Variants in BNC2 observed in about 807,000 individuals in gnomAD.
BNC2 encodes the protein basonuclin zinc finger protein 2.
Under a neutral mutation model 76.3 loss-of-function variants are expected in BNC2, and 20 were observed. The ratio of observed to expected loss-of-function variants is 0.26; its 90% CI spans 0.18 to 0.38. The LOEUF (loss-of-function observed/expected upper bound fraction) is 0.38, where lower values mean the gene tolerates loss of function less well. Ranked by LOEUF, BNC2 falls within the 10% of genes least tolerant of loss-of-function variation. The pLI is 1.00. For synonymous variants in BNC2, 582 were observed against 514.8 expected (o/e 1.13, Z -1.77); for missense variants, 1,382 against 1,399.8 (o/e 0.99, Z 0.20).
At position 16,712,299 on chromosome 9, in the gene BNC2, A is replaced by G. The variant is rs1823873584; in HGVS notation, c.330+15498T>C. ...GTAAATTGTGAGTAGATTTAAAGAT[A>G]TAAAAAGATGGTGACATCCACTTTT... On this transcript the variant is annotated intron_variant, in intron 3 of 6. Coordinates refer to ENST00000380672, the MANE Select transcript of BNC2 (RefSeq NM_017637.6). Among the ~76,000 whole-genome samples, 3 of 152,356 alleles carry G rather than the reference A, an allele frequency of 2.0e-5. No homozygotes were observed. In the South Asian group the frequency reaches 6.2e-4, roughly 32 times the overall value.
At chr9:16,528,752 AG>A (rs1817887312) in intron 5 of BNC2, among the ~76,000 whole-genome samples, 1 of 152,224 alleles carries the variant, frequency 6.6e-6, no homozygotes, top group Admixed American at 6.5e-5. Context: ...TCTTTAAATA[AG>A]TGACTAAATA....
rs574699568 is a variant in BNC2, at chr9:16,838,407, C to T, written c.3+32239G>A. On this transcript the variant is annotated intron_variant, in intron 1 of 6. Coordinates refer to ENST00000380672, the MANE Select transcript of BNC2 (RefSeq NM_017637.6). ...CCATCTCTACTAAAAAGAAAAAATA[C>T]AAAATCAGCTGGGTGTGGTGGCGCA... Among the ~76,000 whole-genome samples the T allele has an allele frequency of 1.1e-4, 17 of 152,112 alleles. No individual in the cohort carries two copies. The South Asian group carries it at 3.5e-3, about 32-fold the overall frequency.
chr9:16,701,938 CAAAAAA>C (rs5896700), intron 3 of BNC2, among the ~76,000 whole-genome samples: 1 of 91,544 alleles, frequency 1.1e-5, no homozygotes, highest in Non-Finnish European at 1.9e-5. Context: ...CGAGACTCTC[CAAAAAA>C]AAAAAAAAAA....
chr9:16,651,040 G>C (rs1015177708), intron 3 of BNC2, among the ~76,000 whole-genome samples: 1 of 152,052 alleles, frequency 6.6e-6, no homozygotes, highest in Admixed American at 6.6e-5. Context: ...TTTACCCTAA[G>C]ATGCCACCCA....
intron 1 of BNC2, among the ~76,000 whole-genome samples, chr9:16,813,266 A>ATT (rs1050994391): frequency 3.5e-5 from 5 of 141,856 alleles, no homozygotes; most frequent in African/African-American, 1.3e-4. Context: ...CAGAAAAACC[A>ATT]TTTTTTTTTT....
intron 5 of BNC2, among the ~76,000 whole-genome samples, chr9:16,482,908 C>T (rs999813856): frequency 3.3e-5 from 5 of 152,176 alleles, no homozygotes; most frequent in Non-Finnish European, 4.4e-5. Flanking sequence ...GCCCATCAGT[C>T]TACTCATGTG....
intron 3 of BNC2, among the ~76,000 whole-genome samples, chr9:16,642,184 C>T (rs1249020550): frequency 6.6e-6 from 1 of 152,098 alleles, no homozygotes; most frequent in Non-Finnish European, 1.5e-5. Flanking sequence ...TAATATAATA[C>T]AAGTTTTGTT....
chr9:16,685,912 G>C (rs1338187643), intron 3 of BNC2, among the ~76,000 whole-genome samples: 2 of 152,132 alleles, frequency 1.3e-5, no homozygotes, highest in African/African-American at 4.8e-5. Context: ...CTAATAAATA[G>C]CCACGGACAG....
At chr9:16,859,048 T>C (rs1270324124) in intron 1 of BNC2, among the ~76,000 whole-genome samples, 3 of 151,940 alleles carry the variant, frequency 2.0e-5, no homozygotes, top group Non-Finnish European at 4.4e-5. Flanking sequence ...AGGACTTGAA[T>C]AGATATGTCC....
chr9:16,435,685 C>G lies in BNC2; in HGVS notation c.2509G>C (p.Val837Leu). ...CSSPDPKICY[V>L]CKKSFKSSYS... is the part of the protein sequence containing the mutation. ...GAGCTTTTGAAACTCTTCTTGCACA[C>G]ATAACAGATTTTGGGGTCTGGGCTA... Residue 837 changes from valine (V) to leucine (L), a missense_variant, in exon 6 of 7, where the codon GTG (valine) becomes CTG (leucine). This residue lies in a region of BNC2 where 798 missense variants were observed against 775.5 expected (regional missense o/e 1.03). Coordinates refer to ENST00000380672, the MANE Select transcript of BNC2 (RefSeq NM_017637.6). 2 of 1,614,120 alleles carry G rather than the reference C, an allele frequency of 1.2e-6. No individual in the cohort carries two copies. Among genetic ancestry groups the G allele is most frequent in the Non-Finnish European group, 1.7e-6 (2 of 1,180,026 alleles).
intron 3 of BNC2, chr9:16,699,202 A>C (rs1455833950): frequency 2.1e-6 from 1 of 471,078 alleles, no homozygotes; most frequent in Non-Finnish European, 4.4e-6. Flanking sequence ...CACATCTACA[A>C]ACTGTCATCC....
At chr9:16,809,509 C>A (rs1185784489) in intron 1 of BNC2, among the ~76,000 whole-genome samples, 1 of 152,160 alleles carries the variant, frequency 6.6e-6, no homozygotes, top group African/African-American at 2.4e-5. Context: ...TTTATTTCCA[C>A]ACCAGCTTTC....
chr9:16,445,899 G>T (rs180957435), intron 5 of BNC2, among the ~76,000 whole-genome samples: 89 of 152,246 alleles, frequency 5.8e-4, no homozygotes, highest in South Asian at 2.5e-3. Context: ...GACTTAATTT[G>T]AAATATCTTT....
intron 5 of BNC2, among the ~76,000 whole-genome samples, chr9:16,468,040 C>CTTTTTTTTTTTT (rs748053541): frequency 7.7e-6 from 1 of 129,554 alleles, no homozygotes; most frequent in Non-Finnish European, 1.6e-5. Flanking sequence ...CTTTCTTTCT[C>CTTTTTTTTTTTT]TTTTTTTTTT....
intron 3 of BNC2, among the ~76,000 whole-genome samples, chr9:16,643,791 C>T (rs1821553390): frequency 6.6e-6 from 1 of 152,044 alleles, no homozygotes; most frequent in South Asian, 2.1e-4. Context: ...TCTTTTTCTG[C>T]CCCAAACTGA....
In BNC2 at chr9:16,418,837, C is replaced by T. The variant is rs931541699; in HGVS notation, c.*152G>A. ...TTATCTTGTTTATCTCAAGGAAATA[C>T]GTGTGTGTATATGTAGCCACAGAGC... On this transcript the variant is annotated 3_prime_UTR_variant, in exon 7 of 7. Coordinates refer to ENST00000380672, the MANE Select transcript of BNC2 (RefSeq NM_017637.6). 2.3e-5 allele frequency: 19 copies of T among 823,726 alleles called. No homozygotes were observed. The highest frequency in any genetic ancestry group is 2.0e-4 in the Admixed American group (9 of 44,618). 51.0% of individuals were successfully genotyped at this position (823,726 alleles called of 1,614,324 possible).
Position 16,418,656 on chromosome 9 carries a change from G to C in BNC2, c.*333C>G, listed in dbSNP as rs1044790580. 6 of 232,472 alleles carry C rather than the reference G, an allele frequency of 2.6e-5. No homozygotes were observed. The highest frequency in any genetic ancestry group is 4.7e-5 in the Non-Finnish European group (6 of 127,076). 14.4% of individuals were successfully genotyped at this position (232,472 alleles called of 1,614,324 possible). A position where few individuals can be genotyped will look rare whatever the true frequency, so the allele number is the denominator to read the frequency against. On this transcript the variant is annotated 3_prime_UTR_variant, in exon 7 of 7. Coordinates refer to ENST00000380672, the MANE Select transcript of BNC2 (RefSeq NM_017637.6). ...AATTATTCTGTCAAAACTGGGGCTA[G>C]TTGCACACTGTGTGTGTGTGTGTGT... is the stretch of plus-strand genomic sequence containing the variant.
intron 5 of BNC2, among the ~76,000 whole-genome samples, chr9:16,463,353 G>C (rs1299605943): frequency 1.5e-5 from 2 of 129,156 alleles, no homozygotes; most frequent in African/African-American, 3.5e-5. Flanking sequence ...CTGGAGTGCA[G>C]TGGCGGGATC....
chr9:16,801,859 T>C (rs1018206819), intron 1 of BNC2, among the ~76,000 whole-genome samples: 47 of 152,156 alleles, frequency 3.1e-4, no homozygotes, highest in African/African-American at 1.1e-3. Context: ...TTCATTTCTA[T>C]GTAAACTTCT....
Sources: gnomAD v4.1 joint callset for allele counts (sites outside exome capture counted in the v4.1 genomes callset) on GRCh38, gnomAD v4.1.1 for gene constraint, gnomAD v4.1.1 regional missense constraint, MANE v1.5 for transcripts, NCBI Gene and HGNC (gene_info 2026-07-23, HGNC 2026-07-21) for gene names.